TTN: variants seen among roughly 807,000 people sequenced by gnomAD.
The protein encoded by TTN is titin.
In TTN, 1,525 loss-of-function variants were observed where a neutral mutation model predicts 3,223.0. The ratio of observed to expected loss-of-function variants is 0.47; its 90% CI spans 0.45 to 0.49. The LOEUF (loss-of-function observed/expected upper bound fraction) is 0.49. Ranked by LOEUF, TTN falls within the 20% of genes least tolerant of loss-of-function variation. The pLI is 0.00. For missense variants in TTN, 40,786 were observed against 43,424.0 expected, an observed-to-expected ratio of 0.94 and a Z score of 5.40; for synonymous variants, 14,094 against 15,161.0, an observed-to-expected ratio of 0.93 and a Z score of 5.17.
rs772914223 is a variant in TTN at position 178,542,530 on chromosome 2, A to G, written c.97226T>C (p.Ile32409Thr). The stretch of plus-strand genomic sequence containing the variant: ...AATTGATGTAGCATCAATTTCATCA[A>G]TCTTAATAGGTCCTGTTGGTGGACC... ...KPGPPTGPIK[I>T]DEIDATSITI... The change falls in exon 349 of 363, where the codon ATT becomes ACT. Residue 32409 changes from isoleucine (I) to threonine (T), a missense_variant. By Grantham distance (89) the Ile-to-Thr change is moderately conservative. Transcript: ENST00000589042. 8 of 1,609,764 alleles carry G rather than the reference A, an allele frequency of 5.0e-6. No homozygotes were observed. The highest frequency in any genetic ancestry group is 1.7e-5 in the Admixed American group (1 of 59,936).
chr2:178,711,098 CTATAGGG>C lies in TTN; in HGVS notation c.28131_28137del (p.Asn9377LysfsTer48). 6.2e-7 allele frequency: 1 copy of C among 1,612,368 alleles called. No homozygotes were observed. The highest frequency in any genetic ancestry group is 8.5e-7 in the Non-Finnish European group (1 of 1,179,052). The stretch of plus-strand genomic sequence containing the variant: ...AGCCTGGCACTGGAAGAAGCAGAGC[CTATAGGG>C]TTTGTAGCTGTGCAGGAATACTGGC... On this transcript the variant is annotated frameshift_variant, in exon 97 of 363. Transcript: ENST00000589042. LOFTEE classifies it high-confidence loss of function.
At chr2:178,633,149 C>T (rs1290554746) in intron 233 of TTN, 38 bp downstream of exon 233, 5 of 1,603,274 alleles carry the variant, frequency 3.1e-6, no homozygotes, top group Non-Finnish European at 3.4e-6. Flanking sequence ...CACAACCAAG[C>T]AACCCCTCTC....
At chr2:178,750,317 G>A (rs751513077) in intron 47 of TTN, 1 of 1,613,158 alleles carries the variant, frequency 6.2e-7, no homozygotes, top group South Asian at 1.1e-5. Context: ...AAGCATACTG[G>A]TTGTTTTTAC....
In TTN at chr2:178,733,729, A is replaced by G. The variant is rs1488816703; in HGVS notation, c.15660T>C (p.Asn5220=). The change falls in exon 53 of 363, where the codon AAT becomes AAC. Residue 5220 remains asparagine, a synonymous_variant. Transcript: ENST00000589042. ...EDGKIKMSFS[N]GVAVLIIPDV... is the part of the protein sequence containing the mutation. ...CAGGGATTATCAAGACTGCAACACCATTGGAAAAGCTCATTTTGATTTTTC... is the reference window on the plus strand; with the variant it reads ...CAGGGATTATCAAGACTGCAACACCGTTGGAAAAGCTCATTTTGATTTTTC... The G allele has an allele frequency of 1.2e-6, 2 of 1,613,764 alleles. No homozygotes were observed. The highest frequency in any genetic ancestry group is 1.3e-5 in the African/African-American group (1 of 74,922).
chr2:178,760,137 A>G (rs1484975947), intron 43 of TTN, among the ~76,000 whole-genome samples: 1 of 152,184 alleles, frequency 6.6e-6, no homozygotes, highest in Non-Finnish European at 1.5e-5. Flanking sequence ...TTGTCTATAA[A>G]AGTTACTCTC....
chr2:178,572,877 C>T lies in TTN; in HGVS notation c.73255G>A (p.Ala24419Thr), dbSNP rs1559419207. The T allele has an allele frequency of 2.5e-6, 4 of 1,613,406 alleles. No homozygotes were observed. The highest frequency in any genetic ancestry group is 3.4e-6 in the Non-Finnish European group (4 of 1,179,594). Residue 24419 changes from alanine (A) to threonine (T), a missense_variant, in exon 326 of 363, where the codon GCT becomes ACT. Physicochemically the swap from Ala to Thr is moderately conservative, Grantham distance 58. Transcript: ENST00000589042. ...EPALVPGTPK[A>T]EDRMLPPEIE... The stretch of plus-strand genomic sequence containing the variant: ...TCTGGAGGCAGCATTCTGTCTTCAG[C>T]CTTTGGAGTTCCAGGAACAAGGGCA...
chr2:178,757,120 G>C (rs1266145354), intron 45 of TTN, among the ~76,000 whole-genome samples: 2 of 3,718 alleles, frequency 5.4e-4, no homozygotes, highest in African/African-American at 2.4e-3. Flanking sequence ...CTGTATTTGG[G>C]TTAGCATTTG....
At chr2:178,628,029 A>G (rs2059290639) in intron 240 of TTN, among the ~76,000 whole-genome samples, 1 of 152,214 alleles carries the variant, frequency 6.6e-6, no homozygotes, top group East Asian at 1.9e-4. Flanking sequence ...GTTTTGTGAT[A>G]TGTAACTTAA....
chr2:178,528,897 T>A lies in TTN; in HGVS notation c.106854A>T (p.Ile35618=). 6.2e-7 allele frequency: 1 copy of A among 1,614,074 alleles called. No individual in the cohort carries two copies. The highest frequency in any genetic ancestry group is 8.5e-7 in the Non-Finnish European group (1 of 1,179,892). ...EIKAFSTQMS[I]NEGQRLVLKA... Reference sequence around the variant, plus strand: ...TTAAAACCAGTCTTTGACCTTCGTTTATGCTCATCTGAGTAGAAAATGCTT... The same window carrying A: ...TTAAAACCAGTCTTTGACCTTCGTTAATGCTCATCTGAGTAGAAAATGCTT... The change falls in exon 360 of 363, where the codon ATA becomes ATT. Residue 35618 remains isoleucine, a synonymous_variant. Transcript: ENST00000589042.
At chr2:178,581,096 A>C (rs1011278048) in intron 316 of TTN, among the ~76,000 whole-genome samples, 4 of 152,074 alleles carry the variant, frequency 2.6e-5, no homozygotes, top group African/African-American at 9.7e-5. Context: ...AAATAAGAAG[A>C]AGGGAAATTA....
intron 258 of TTN, 75 bp downstream of exon 258, chr2:178,615,566 C>T (rs563479547): frequency 1.9e-6 from 3 of 1,609,392 alleles, no homozygotes; most frequent in Admixed American, 1.7e-5. Context: ...TGCCTTGCCC[C>T]ATAACTTCAA....
chr2:178,728,073 G>T, intron 67 of TTN, 37 bp downstream of exon 67: 1 of 1,513,724 alleles, frequency 6.6e-7, no homozygotes, highest in Non-Finnish European at 8.8e-7. Flanking sequence ...AGAAGCATTC[G>T]CAAGGAAGAA....
chr2:178,713,653 A>T, intron 92 of TTN: 1 of 713,780 alleles, frequency 1.4e-6, no homozygotes, highest in East Asian at 2.8e-5. Context: ...GACTGCTTTA[A>T]CCTTATCCAG....
chr2:178,570,901 A>G lies in TTN; in HGVS notation c.75231T>C (p.Tyr25077=), dbSNP rs750699540. The change falls in exon 326 of 363, where the codon TAT becomes TAC. Residue 25077 remains tyrosine (Y), a synonymous_variant. Transcript: ENST00000589042. The part of the protein sequence containing the change: ...EVTGLVEDHR[Y]EFRVIARNAA... The stretch of plus-strand genomic sequence containing the variant: ...CATTTCGGGCTATAACCCGGAACTC[A>G]TATCTGTGATCTTCAACTAGGCCAG... The G allele has an allele frequency of 8.1e-6, 13 of 1,613,458 alleles. No individual in the cohort carries two copies. Among genetic ancestry groups the G allele is most frequent in the Admixed American group, 1.7e-5 (1 of 59,984 alleles).
rs375905219 is a variant in TTN at position 178,675,930 on chromosome 2, G to A, written c.34444C>T (p.Pro11482Ser). 5.6e-6 allele frequency: 9 copies of A among 1,607,592 alleles called. No individual in the cohort carries two copies. The African/African-American group carries it at 1.2e-4, about 22-fold the overall frequency. Reference sequence around the variant, plus strand: ...TTCGGAATAGCAATACCTTTGGCAGGGGGAGCCTCCTCTTTCTTGGGAATG... The same window carrying A: ...TTCGGAATAGCAATACCTTTGGCAGAGGGAGCCTCCTCTTTCTTGGGAATG... ...VVIPKKEEAP[P>S]AKVSVVPKKP... Residue 11482 changes from proline (P) to serine (S), a missense_variant, in exon 148 of 363, where the codon CCT (proline) becomes TCT (serine). Coordinates refer to ENST00000589042, the MANE Select transcript of TTN (RefSeq NM_001267550.2).
rs532794938 is a variant in TTN at position 178,611,168 on chromosome 2, A to C, written c.50961T>G (p.Ser16987Arg). ...TAACTTCTTTGCCATCTTTATGCCA[A>C]CTAACAGTTGGAACTGGGACAGCTC... The part of the protein sequence containing the change: ...PFRAVPVPTV[S>R]WHKDGKEVKA... The change falls in exon 270 of 363, where the codon AGT becomes AGG. Residue 16987 changes from serine to arginine, a missense_variant. Ser to Arg is a moderately radical substitution (Grantham distance 110, BLOSUM62 -1). Transcript: ENST00000589042. The C allele has an allele frequency of 8.7e-6, 14 of 1,612,814 alleles. No individual in the cohort carries two copies. In the African/African-American group the frequency reaches 1.7e-4, roughly 20 times the overall value.
chr2:178,630,156 A>G (rs1416315390), intron 239 of TTN, 85 bp downstream of exon 239: 1 of 1,576,252 alleles, frequency 6.3e-7, no homozygotes. Flanking sequence ...TTTCTAACTA[A>G]TAAAATAGGT....
intron 109 of TTN, among the ~76,000 whole-genome samples, chr2:178,701,836 C>T (rs554561206): frequency 2.4e-4 from 36 of 152,136 alleles, no homozygotes; most frequent in African/African-American, 8.0e-4. Context: ...CTGAGTGAGA[C>T]CTTATTATCT....
At chr2:178,679,501 G>A (rs992012405) in intron 141 of TTN, 85 bp from the exon 142 acceptor site, 10 of 1,585,224 alleles carry the variant, frequency 6.3e-6, no homozygotes, top group Non-Finnish European at 7.7e-6. Context: ...TTTAACAACG[G>A]ACAGTGACAC....
Sources: allele counts gnomAD v4.1 joint callset (sites outside exome capture counted in the v4.1 genomes callset), GRCh38; gene constraint gnomAD v4.1.1; transcripts MANE v1.5; gene names NCBI Gene and HGNC (gene_info 2026-07-23, HGNC 2026-07-21).